PRKAA2: variants seen among roughly 807,000 people sequenced by gnomAD.
PRKAA2 encodes protein kinase AMP-activated catalytic subunit alpha 2.
A neutral mutation model predicts 56.3 loss-of-function variants in PRKAA2; 40 were observed. That is an observed-to-expected ratio of 0.71 (90% CI 0.55 to 0.92). The LOEUF is 0.92. PRKAA2 is among the 40% of genes least tolerant of loss of function. The pLI, the probability that PRKAA2 is intolerant of heterozygous loss-of-function variation, is 0.00. For missense variants in PRKAA2, 542 were observed against 686.9 expected, an observed-to-expected ratio of 0.79 and a Z score of 2.36; for synonymous variants, 214 against 234.2, an observed-to-expected ratio of 0.91 and a Z score of 0.79.
chr1:56,706,262 G>A, intron 8 of PRKAA2, 44 bp downstream of exon 8: 1 of 1,589,608 alleles, frequency 6.3e-7, no homozygotes, highest in Non-Finnish European at 8.5e-7. Context: ...GATAAAACTT[G>A]GCACTAGTTG....
intron 7 of PRKAA2, among the ~76,000 whole-genome samples, chr1:56,705,637 C>T (rs1054871225): frequency 8.5e-5 from 13 of 152,174 alleles, no homozygotes; most frequent in African/African-American, 2.4e-4. Context: ...AGGGCTCAGG[C>T]GGTCCACCCA....
intron 1 of PRKAA2, among the ~76,000 whole-genome samples, chr1:56,673,743 G>A (rs1177281069): frequency 6.6e-6 from 1 of 152,202 alleles, no homozygotes; most frequent in Non-Finnish European, 1.5e-5. Flanking sequence ...TCTTGTCCAA[G>A]GAGAGTATGA....
intron 6 of PRKAA2, among the ~76,000 whole-genome samples, chr1:56,701,939 AAATC>A (rs1264932801): frequency 8.5e-5 from 13 of 152,264 alleles, no homozygotes; most frequent in African/African-American, 3.1e-4. Context: ...ATTAAGAAAA[AAATC>A]AACAACTAAA....
chr1:56,695,196 A>G (rs6588647), intron 5 of PRKAA2, among the ~76,000 whole-genome samples: 46,167 of 146,058 alleles, frequency 0.32, 7,982 homozygotes, highest in Admixed American at 0.47. Context: ...ATATATATAT[A>G]TATATATTTT....
chr1:56,700,131 T>C (rs530156007), intron 6 of PRKAA2, among the ~76,000 whole-genome samples: 3 of 152,342 alleles, frequency 2.0e-5, no homozygotes, highest in Non-Finnish European at 2.9e-5. Flanking sequence ...TCGTATGTTG[T>C]TGCTGCTACT....
At chr1:56,700,672 T>A (rs766766711) in intron 6 of PRKAA2, among the ~76,000 whole-genome samples, 1 of 152,170 alleles carries the variant, frequency 6.6e-6, no homozygotes, top group Admixed American at 6.5e-5. Context: ...GGGAGAAGGC[T>A]GTTTGCAGGA....
At chr1:56,675,607 C>G (rs962470472) in intron 2 of PRKAA2, among the ~76,000 whole-genome samples, 4 of 151,956 alleles carry the variant, frequency 2.6e-5, no homozygotes, top group Admixed American at 6.6e-5. Context: ...ATATAAATTC[C>G]TTTTAAAGAA....
chr1:56,659,171 C>T (rs6683935), intron 1 of PRKAA2, among the ~76,000 whole-genome samples: 81,634 of 151,150 alleles, frequency 0.54, 22,510 homozygotes, highest in East Asian at 0.73. Context: ...GATTTTCCTG[C>T]GGAATCCTAG....
At chr1:56,693,978 C>T in intron 5 of PRKAA2, 126 bp downstream of exon 5, 1 of 632,508 alleles carries the variant, frequency 1.6e-6, no homozygotes, top group Non-Finnish European at 2.6e-6. Context: ...ATTTATTTTT[C>T]CACTGTTAAA....
At chr1:56,675,804 A>G (rs1244283143) in intron 2 of PRKAA2, among the ~76,000 whole-genome samples, 1 of 152,176 alleles carries the variant, frequency 6.6e-6, no homozygotes, top group Admixed American at 6.5e-5. Flanking sequence ...TATCAATAGT[A>G]TAATGTGACA....
intron 1 of PRKAA2, among the ~76,000 whole-genome samples, chr1:56,653,610 C>T (rs1414477247): frequency 6.6e-6 from 1 of 152,056 alleles, no homozygotes; most frequent in East Asian, 1.9e-4. Flanking sequence ...GATGAAAAAG[C>T]ACTCAGAAGT....
At chr1:56,702,178 G>C (rs1326587902) in intron 6 of PRKAA2, among the ~76,000 whole-genome samples, 1 of 151,738 alleles carries the variant, frequency 6.6e-6, no homozygotes, top group East Asian at 1.9e-4. Flanking sequence ...CCGCCTCCCA[G>C]GTTCAAGTGA....
intron 8 of PRKAA2, among the ~76,000 whole-genome samples, chr1:56,707,175 A>G (rs560348250): frequency 3.9e-5 from 6 of 152,292 alleles, no homozygotes; most frequent in South Asian, 2.1e-4. Context: ...TGTCAAGGAT[A>G]TGCTTTCTTC....
Position 56,696,089 on chromosome 1 carries a change from T to G in PRKAA2, c.718T>G (p.Ser240Ala). ...VFYIPEYLNRSVATLLMHMLQ... is the reference protein window; with the variant it reads ...VFYIPEYLNRAVATLLMHMLQ... The stretch of plus-strand genomic sequence containing the variant: ...TTATATCCCAGAATATCTCAATCGT[T>G]CTGTCGCCACTCTCCTGATGCATAT... The change falls in exon 6 of 9, where the codon TCT becomes GCT. Residue 240 changes from serine (S) to alanine (A), a missense_variant. By Grantham distance (99) the Ser-to-Ala change is moderately conservative. Around this residue, in one of 5 missense-constraint regions of PRKAA2, gnomAD observed 198 missense variants for 234.0 expected, o/e 0.85. Transcript: ENST00000371244. 6.2e-7 allele frequency: 1 copy of G among 1,613,612 alleles called. No individual in the cohort carries two copies. The highest frequency in any genetic ancestry group is 8.5e-7 in the Non-Finnish European group (1 of 1,179,930).
chr1:56,687,358 GA>G (rs1466808755), intron 2 of PRKAA2, among the ~76,000 whole-genome samples: 1 of 152,048 alleles, frequency 6.6e-6, no homozygotes, highest in African/African-American at 2.4e-5. Context: ...ACATATATAT[GA>G]ATTTGAATTA....
intron 1 of PRKAA2, among the ~76,000 whole-genome samples, chr1:56,655,280 A>ATATATATATATTTTT: frequency 6.0e-4 from 56 of 93,638 alleles, no homozygotes; most frequent in African/African-American, 2.0e-3. Context: ...ATATATATAT[A>ATATATATATATTTTT]TTTTTTTTTT....
At position 56,709,427 on chromosome 1, in the gene PRKAA2, C is replaced by T. The variant is rs963447413; in HGVS notation, c.*1714C>T. 4 of 152,060 alleles carry T rather than the reference C, an allele frequency of 2.6e-5. No individual in the cohort carries two copies. The highest frequency in any genetic ancestry group is 3.9e-4 in the East Asian group (2 of 5,194). 9.4% of individuals were successfully genotyped at this position (152,060 alleles called of 1,614,324 possible). On this transcript the variant is annotated 3_prime_UTR_variant, in exon 9 of 9. Coordinates refer to ENST00000371244, the MANE Select transcript of PRKAA2 (RefSeq NM_006252.4). ...TAGTTCACCAATTTGGGAAGGAGGG[C>T]GGGTTGCAATTTGAGATAGTTTAAG...
At position 56,704,258 on chromosome 1, in the gene PRKAA2, T is replaced by C; in HGVS notation, c.1076T>C (p.Ile359Thr). Residue 359 changes from isoleucine (I) to threonine (T), a missense_variant, in exon 7 of 9, where the codon ATT becomes ACT. Physicochemically the swap from Ile to Thr is moderately conservative, Grantham distance 89 (BLOSUM62 -1). Around this residue, in one of 5 missense-constraint regions of PRKAA2, gnomAD observed 198 missense variants for 234.0 expected, o/e 0.85. Transcript: ENST00000371244. ...TTTATGGATGATAGTGCCATGCATA[T>C]TCCCCCAGGCCTGAAACCTCATCCA... is the stretch of plus-strand genomic sequence containing the variant. ...GSFMDDSAMH[I>T]PPGLKPHPER... 1.2e-6 allele frequency: 2 copies of C among 1,614,146 alleles called. No individual in the cohort carries two copies. Among genetic ancestry groups the C allele is most frequent in the African/African-American group, 2.7e-5 (2 of 75,036 alleles).
intron 1 of PRKAA2, among the ~76,000 whole-genome samples, chr1:56,651,864 A>C (rs1217934659): frequency 3.4e-5 from 5 of 149,146 alleles, no homozygotes; most frequent in Non-Finnish European, 7.4e-5. Flanking sequence ...TTTTTTTGAG[A>C]CTAGTCTGGC....
Sources: allele counts gnomAD v4.1 joint callset (sites outside exome capture counted in the v4.1 genomes callset), GRCh38; gene constraint gnomAD v4.1.1; regional missense constraint gnomAD v4.1.1; transcripts MANE v1.5; gene names NCBI Gene and HGNC (gene_info 2026-07-23, HGNC 2026-07-21).